The following PPARGC1A variants were observed in gnomAD, a reference collection of about 807,000 sequenced individuals.
The protein encoded by PPARGC1A is peroxisome proliferator-activated receptor gamma coactivator 1-alpha.
A neutral mutation model predicts 88.7 loss-of-function variants in PPARGC1A; 25 were observed. That is an observed-to-expected ratio of 0.28 (90% CI 0.21 to 0.39). The LOEUF (loss-of-function observed/expected upper bound fraction) is 0.39. Ranked by LOEUF, PPARGC1A falls within the 10% of genes least tolerant of loss-of-function variation. The pLI, the probability that PPARGC1A is intolerant of heterozygous loss-of-function variation, is 1.00. For missense variants in PPARGC1A, 880 were observed against 968.7 expected (o/e 0.91, Z 1.22); for synonymous variants, 363 against 355.6 (o/e 1.02, Z -0.24).
chr4:24,365,859 TAAC>T, the PPARGC1A span, among the ~76,000 whole-genome samples: 3 of 152,316 alleles, frequency 2.0e-5, no homozygotes, highest in East Asian at 1.9e-4. Context: ...TCTGTAATCT[TAAC>T]AAGCTATAGG....
the PPARGC1A span, among the ~76,000 whole-genome samples, chr4:24,109,189 C>T: frequency 9.9e-5 from 15 of 151,594 alleles, no homozygotes; most frequent in Non-Finnish European, 2.2e-4. Context: ...TAAAATATGG[C>T]CCCCAGCAGG....
intron 2 of PPARGC1A, among the ~76,000 whole-genome samples, chr4:23,861,746 A>G (rs1341819697): frequency 1.3e-5 from 2 of 152,210 alleles, no homozygotes; most frequent in African/African-American, 4.8e-5. Context: ...CCACTAAAGG[A>G]AGGGGAATGA....
chr4:24,221,674 G>A, the PPARGC1A span, among the ~76,000 whole-genome samples: 8 of 152,158 alleles, frequency 5.3e-5, no homozygotes, highest in East Asian at 3.9e-4. Flanking sequence ...TTGGGAGGCC[G>A]AGGCAGGAGG....
the PPARGC1A span, among the ~76,000 whole-genome samples, chr4:24,386,610 A>C: frequency 1.3e-5 from 2 of 152,196 alleles, no homozygotes; most frequent in African/African-American, 4.8e-5. Context: ...AGACAAACAG[A>C]GAGCCAAATC....
chr4:23,964,601 G>A, the PPARGC1A span, among the ~76,000 whole-genome samples: 16 of 152,172 alleles, frequency 1.1e-4, no homozygotes, highest in Admixed American at 1.0e-3. Flanking sequence ...GGTCTCAAAA[G>A]AGAAGTTAAG....
chr4:23,979,398 G>A, the PPARGC1A span, among the ~76,000 whole-genome samples: 1 of 152,172 alleles, frequency 6.6e-6, no homozygotes, highest in Non-Finnish European at 1.5e-5. Context: ...CAGGGCATGA[G>A]CAACATTAAT....
upstream of PPARGC1A, chr4:23,903,937 C>A: frequency 5.5e-6 from 4 of 731,840 alleles, no homozygotes; most frequent in Non-Finnish European, 6.7e-6. Flanking sequence ...AAACAAAACC[C>A]ACCTACCAAT....
At chr4:23,940,982 A>G in the PPARGC1A span, among the ~76,000 whole-genome samples, 1 of 152,214 alleles carries the variant, frequency 6.6e-6, no homozygotes, top group Admixed American at 6.5e-5. Context: ...CATAAAATTA[A>G]TGTTTGTTAA....
the PPARGC1A span, among the ~76,000 whole-genome samples, chr4:24,370,315 G>A: frequency 6.6e-6 from 1 of 152,054 alleles, no homozygotes; most frequent in Non-Finnish European, 1.5e-5. Context: ...GGTCAAAAAT[G>A]GGCACTTTCA....
chr4:24,302,670 A>G, the PPARGC1A span, among the ~76,000 whole-genome samples: 1 of 152,218 alleles, frequency 6.6e-6, no homozygotes, highest in Non-Finnish European at 1.5e-5. Context: ...GGGGCCAGGC[A>G]GGGCATTCCG....
chr4:23,819,234 T>G (rs1471127637), intron 7 of PPARGC1A, among the ~76,000 whole-genome samples: 1 of 152,132 alleles, frequency 6.6e-6, no homozygotes, highest in Admixed American at 6.5e-5. Flanking sequence ...CAGGACTCAC[T>G]GGAGCTCCAC....
At chr4:24,347,916 G>T in the PPARGC1A span, among the ~76,000 whole-genome samples, 1 of 151,964 alleles carries the variant, frequency 6.6e-6, no homozygotes, top group African/African-American at 2.4e-5. Flanking sequence ...GTTCTGTTTT[G>T]ATGTGTTTTG....
At chr4:23,944,607 C>T in the PPARGC1A span, among the ~76,000 whole-genome samples, 2 of 152,138 alleles carry the variant, frequency 1.3e-5, no homozygotes, top group Admixed American at 1.3e-4. Flanking sequence ...TTGAGTTGTA[C>T]AACAGTTCCC....
the PPARGC1A span, among the ~76,000 whole-genome samples, chr4:24,227,180 G>A: frequency 6.6e-6 from 1 of 151,962 alleles, no homozygotes; most frequent in Non-Finnish European, 1.5e-5. Context: ...TGCCTCCCAG[G>A]TTCAAGCGAT....
the PPARGC1A span, among the ~76,000 whole-genome samples, chr4:23,941,184 T>G: frequency 2.6e-5 from 4 of 152,138 alleles, no homozygotes; most frequent in Non-Finnish European, 5.9e-5. Context: ...CCCACGTAGC[T>G]AGGCCTATAG....
At chr4:24,397,593 A>T in the PPARGC1A span, among the ~76,000 whole-genome samples, 2 of 151,954 alleles carry the variant, frequency 1.3e-5, no homozygotes, top group African/African-American at 4.8e-5. Flanking sequence ...CCTCTTGCTC[A>T]CTCTTTCCTT....
the PPARGC1A span, among the ~76,000 whole-genome samples, chr4:24,197,611 A>G: frequency 6.6e-6 from 1 of 152,204 alleles, no homozygotes. Context: ...TATCTGAATC[A>G]TCCTATTCTG....
chr4:24,323,170 C>T, the PPARGC1A span, among the ~76,000 whole-genome samples: 2 of 152,078 alleles, frequency 1.3e-5, no homozygotes, highest in Non-Finnish European at 2.9e-5. Flanking sequence ...CTGCCTTTGG[C>T]CAGACCAAAC....
the PPARGC1A span, among the ~76,000 whole-genome samples, chr4:24,026,791 AAC>A: frequency 3.3e-5 from 5 of 152,160 alleles, no homozygotes; most frequent in Non-Finnish European, 4.4e-5. Context: ...TGGGATAAGA[AAC>A]ACAGCCTGAG....
Sources: gnomAD v4.1 joint callset for allele counts (sites outside exome capture counted in the v4.1 genomes callset) on GRCh38, gnomAD v4.1.1 for gene constraint, MANE v1.5 for transcripts, NCBI Gene and HGNC (gene_info 2026-07-23, HGNC 2026-07-21) for gene names.